Variants in ZMAT1 observed in about 807,000 individuals in gnomAD.
ZMAT1 encodes the protein zinc finger matrin-type protein 1.
A neutral mutation model predicts 18.5 loss-of-function variants in ZMAT1; 11 were observed. That is an observed-to-expected ratio of 0.59 (90% confidence interval 0.37 to 0.98). The LOEUF (loss-of-function observed/expected upper bound fraction) is 0.98. Ranked by LOEUF, ZMAT1 falls within the 50% of genes least tolerant of loss-of-function variation. The pLI, the probability that ZMAT1 is intolerant of heterozygous loss-of-function variation, is 0.01. For synonymous variants in ZMAT1, 211 were observed against 176.4 expected (o/e 1.20, Z -1.55); for missense variants, 525 against 496.2 (o/e 1.06, Z -0.55).
chrX:101,927,729 G>A (rs745686217), intron 1 of ZMAT1, among the ~76,000 whole-genome samples: 2 of 112,053 alleles, frequency 1.8e-5, no homozygotes, highest in Admixed American at 9.5e-5. Flanking sequence ...CAGCTACTTT[G>A]CATCAGAAAG....
Position 101,890,397 on chromosome X carries a change from T to G in ZMAT1, c.677-3666A>C, listed in dbSNP as rs767753119. 7.1e-5 allele frequency among the ~76,000 whole-genome samples: 8 copies of G among 112,034 alleles called. No individual in the cohort carries two copies. In the South Asian group the frequency reaches 2.2e-3, roughly 31 times the overall value. Reference sequence around the variant, plus strand: ...ACTAGAACAGTAAGAGAAGTTGTGATGGATCTTTGAGGACAGAAAAGATTT... The same window carrying G: ...ACTAGAACAGTAAGAGAAGTTGTGAGGGATCTTTGAGGACAGAAAAGATTT... On this transcript the variant is annotated intron_variant, in intron 4 of 5. Coordinates refer to ENST00000651725, the MANE Select transcript of ZMAT1 (RefSeq NM_001394560.1).
intron 4 of ZMAT1, among the ~76,000 whole-genome samples, chrX:101,896,335 C>T (rs1400057182): frequency 8.9e-6 from 1 of 111,775 alleles, no homozygotes. Flanking sequence ...CATGTTCCTA[C>T]AATTCCAGTA....
chrX:101,929,456 T>TATATATATATAC (rs1161232053), intron 1 of ZMAT1, among the ~76,000 whole-genome samples: 5 of 85,478 alleles, frequency 5.8e-5, no homozygotes, highest in Non-Finnish European at 8.9e-5. Flanking sequence ...TATATATATA[T>TATATATATATAC]ACACACAGAG....
chrX:101,886,892 G>A (rs1382778786), intron 4 of ZMAT1, 161 bp from the exon 5 acceptor site: 5 of 422,464 alleles, frequency 1.2e-5, no homozygotes, highest in South Asian at 4.2e-5. Flanking sequence ...AAGTCACAGA[G>A]CAAGTTAGTA....
At chrX:101,922,064 TCAAA>T (rs1329102681) in intron 1 of ZMAT1, among the ~76,000 whole-genome samples, 1 of 111,299 alleles carries the variant, frequency 9.0e-6, no homozygotes, top group Non-Finnish European at 1.9e-5. Context: ...CTTCTTAGAG[TCAAA>T]CAACCATTTC....
At chrX:101,931,319 T>C (rs1930464609) in intron 1 of ZMAT1, 1 of 381,119 alleles carries the variant, frequency 2.6e-6, no homozygotes, top group Non-Finnish European at 3.3e-6. Context: ...CCCTTATCCT[T>C]GACCCTCTTG....
chrX:101,886,704 T>G lies in ZMAT1; in HGVS notation c.704A>C (p.His235Pro), dbSNP rs778890524. Residue 235 changes from histidine (H) to proline (P), a missense_variant, in exon 5 of 6, where the codon CAT (histidine) becomes CCT (proline). By Grantham distance (77) the His-to-Pro change is moderately conservative. Coordinates refer to ENST00000651725, the MANE Select transcript of ZMAT1 (RefSeq NM_001394560.1). Reference protein sequence around the residue: ...MAFSMRTYVCHICSIAFTSLD... With the variant: ...MAFSMRTYVCPICSIAFTSLD... ...AGATGTAAAAGCAATACTACAAATA[T>G]GGCAAACATAGGTTCTCATACTAAA... 1.7e-6 allele frequency: 2 copies of G among 1,202,599 alleles called. No individual in the cohort carries two copies. Among genetic ancestry groups the G allele is most frequent in the East Asian group, 5.9e-5 (2 of 33,709 alleles).
chrX:101,894,901 G>A, intron 4 of ZMAT1: 3 of 752,251 alleles, frequency 4.0e-6, no homozygotes, highest in Non-Finnish European at 4.7e-6. Context: ...TAGTGAGAAG[G>A]TGCCTGTGGG....
intron 1 of ZMAT1, among the ~76,000 whole-genome samples, chrX:101,910,253 C>A (rs1018897402): frequency 2.7e-5 from 3 of 112,569 alleles, no homozygotes; most frequent in African/African-American, 9.7e-5. Flanking sequence ...CAGCTTAGAT[C>A]ACAACACCCA....
chrX:101,889,083 C>A (rs982534594), intron 4 of ZMAT1: 1 of 111,552 alleles, frequency 9.0e-6, no homozygotes, highest in Admixed American at 9.5e-5. Context: ...AGTCTGATTA[C>A]CATTACCTTA....
rs368723231 is a variant in ZMAT1, at chrX:101,884,456, G to A, written c.1142C>T (p.Thr381Ile). 2 of 1,210,873 alleles carry A rather than the reference G, an allele frequency of 1.7e-6. No homozygotes were observed. The highest frequency in any genetic ancestry group is 2.3e-4 in the Middle Eastern group (1 of 4,342). Reference protein sequence around the residue: ...VQKARGLDPKTCFRKMRENSV... With the variant: ...VQKARGLDPKICFRKMRENSV... ...GTTCTCTCTCATCTTTCTGAAACAA[G>A]TCTTTGGATCTAGTCCTCTGGCTTT... The change falls in exon 6 of 6, where the codon ACT (threonine) becomes ATT (isoleucine). Residue 381 changes from threonine (T) to isoleucine (I), a missense_variant. By Grantham distance (89) the Thr-to-Ile change is moderately conservative (BLOSUM62 -1). Coordinates refer to ENST00000651725, the MANE Select transcript of ZMAT1 (RefSeq NM_001394560.1).
At chrX:101,900,077 GTGTT>G (rs1296607492) in intron 2 of ZMAT1, among the ~76,000 whole-genome samples, 1 of 111,718 alleles carries the variant, frequency 9.0e-6, no homozygotes, top group Non-Finnish European at 1.9e-5. Context: ...ATTTTTTCTT[GTGTT>G]TGTTGGCCAT....
Position 101,884,601 on chromosome X carries a change from T to C in ZMAT1, c.997A>G (p.Thr333Ala). The change falls in exon 6 of 6, where the codon ACT (threonine) becomes GCT (alanine). Residue 333 changes from threonine (T) to alanine (A), a missense_variant. Physicochemically the swap from Thr to Ala is moderately conservative, Grantham distance 58. Transcript: ENST00000651725. ...TATGGTGCTGCGTATGTCCGGAAAG[T>C]CTCAAATGGGAGTCTTTGTTCAAAC... ...RMFEQRLPFE[T>A]FRTYAAPYNI... The C allele has an allele frequency of 8.3e-7, 1 of 1,211,018 alleles. No homozygotes were observed.
At chrX:101,888,189 G>A (rs764892259) in intron 4 of ZMAT1, 1 of 111,703 alleles carries the variant, frequency 9.0e-6, no homozygotes, top group South Asian at 3.7e-4. Context: ...TTAGTTATCA[G>A]CCACTTTCAA....
At chrX:101,911,109 T>C (rs775516815) in intron 1 of ZMAT1, among the ~76,000 whole-genome samples, 27 of 111,626 alleles carry the variant, frequency 2.4e-4, no homozygotes, top group African/African-American at 8.4e-4. Context: ...CCTTACAGGA[T>C]AGAAGAGAGT....
At chrX:101,886,095 CTAAA>C (rs1214961973) in intron 5 of ZMAT1, among the ~76,000 whole-genome samples, 1 of 112,248 alleles carries the variant, frequency 8.9e-6, no homozygotes, top group Non-Finnish European at 1.9e-5. Flanking sequence ...ATAAAATGGA[CTAAA>C]TATTTATTGA....
chrX:101,883,625 C>T lies in ZMAT1; in HGVS notation c.1973G>A (p.Ser658Asn), dbSNP rs769382902. ...GKLKHRKKKKSHDVPSEKEER... is the reference protein window; with the variant it reads ...GKLKHRKKKKNHDVPSEKEER... The stretch of plus-strand genomic sequence containing the variant: ...TTCTTTCTCGGAGGGTACATCATGG[C>T]TTTTTTTCTTTTTTCGATGCTTAAG... Residue 658 changes from serine to asparagine, a missense_variant, in exon 6 of 6, where the codon AGC (serine) becomes AAC (asparagine). Coordinates refer to ENST00000651725, the MANE Select transcript of ZMAT1 (RefSeq NM_001394560.1). 9.1e-6 allele frequency: 11 copies of T among 1,208,692 alleles called. No homozygotes were observed. The South Asian group carries it at 1.9e-4, about 21-fold the overall frequency.
At position 101,927,152 on chromosome X, in the gene ZMAT1, T is replaced by TA. The variant is rs780084857; in HGVS notation, c.292+4564dup. Among the ~76,000 whole-genome samples the TA allele has an allele frequency of 5.4e-5, 6 of 112,146 alleles. No individual in the cohort carries two copies. The East Asian group carries it at 1.4e-3, about 26-fold the overall frequency. ...TCAAGCATTCTTGATTAAATAGAAT[T>TA]AAAAAAAACTGACTTGACCTTTGCA... On this transcript the variant is annotated intron_variant, in intron 1 of 5. Coordinates refer to ENST00000651725, the MANE Select transcript of ZMAT1 (RefSeq NM_001394560.1).
At chrX:101,917,161 G>T (rs1479839064) in intron 1 of ZMAT1, among the ~76,000 whole-genome samples, 3 of 111,910 alleles carry the variant, frequency 2.7e-5, no homozygotes, top group African/African-American at 6.5e-5. Flanking sequence ...CACAAGCACA[G>T]GCAACAACAT....
Sources: allele counts gnomAD v4.1 joint callset (sites outside exome capture counted in the v4.1 genomes callset), GRCh38; gene constraint gnomAD v4.1.1; transcripts MANE v1.5; gene names NCBI Gene and HGNC (gene_info 2026-07-23, HGNC 2026-07-21).